The following R3HDM2 variants were observed in gnomAD, a reference collection of about 807,000 sequenced individuals.
R3HDM2 encodes the protein R3H domain containing 2, also known as R3H domain-containing protein 2.
Under a neutral mutation model 124.5 loss-of-function variants are expected in R3HDM2, and 38 were observed. That is an observed-to-expected ratio of 0.31 (90% CI 0.24 to 0.40). R3HDM2 has a LOEUF of 0.40. Ranked by LOEUF, R3HDM2 falls within the 10% of genes least tolerant of loss-of-function variation. R3HDM2 has a pLI of 1.00. For synonymous variants in R3HDM2, 391 were observed against 448.0 expected, an observed-to-expected ratio of 0.87 and a Z score of 1.61; for missense variants, 869 against 1,236.9, an observed-to-expected ratio of 0.70 and a Z score of 4.46.
At chr12:57,423,808 TAAAAAAAAAAAAAA>T (rs57587261) in intron 1 of R3HDM2, among the ~76,000 whole-genome samples, 2 of 51,424 alleles carry the variant, frequency 3.9e-5, no homozygotes, top group East Asian at 6.1e-4. Flanking sequence ...CTGTCTCAAT[TAAAAAAAAAAAAAA>T]AAAAAAAAAA....
At chr12:57,323,524 A>T (rs1436915799) in intron 2 of R3HDM2, among the ~76,000 whole-genome samples, 1 of 152,236 alleles carries the variant, frequency 6.6e-6, no homozygotes, top group Non-Finnish European at 1.5e-5. Context: ...GAAGCATGAA[A>T]ATCATTCTGT....
At chr12:57,380,294 A>G (rs1193440356) in intron 2 of R3HDM2, among the ~76,000 whole-genome samples, 4 of 152,196 alleles carry the variant, frequency 2.6e-5, no homozygotes, top group African/African-American at 9.6e-5. Context: ...CTTTCTGATG[A>G]AAGTTCATTT....
intron 2 of R3HDM2, among the ~76,000 whole-genome samples, chr12:57,322,060 C>T (rs1462193316): frequency 2.0e-5 from 3 of 152,112 alleles, no homozygotes; most frequent in Non-Finnish European, 4.4e-5. Flanking sequence ...AACCCCATAT[C>T]TACTAAAAAA....
intron 2 of R3HDM2, among the ~76,000 whole-genome samples, chr12:57,364,105 G>T: frequency 6.8e-6 from 1 of 146,330 alleles, no homozygotes; most frequent in Admixed American, 6.9e-5. Context: ...GTAATAGTTT[G>T]CTAGGGCTGT....
chr12:57,403,288 T>C (rs886636583), intron 1 of R3HDM2, among the ~76,000 whole-genome samples: 2 of 151,166 alleles, frequency 1.3e-5, no homozygotes, highest in African/African-American at 4.9e-5. Context: ...AGTCAAGATA[T>C]CGAGACCATC....
intron 12 of R3HDM2, 33 bp downstream of exon 12, chr12:57,288,976 T>C (rs1230939741): frequency 1.3e-6 from 2 of 1,548,358 alleles, no homozygotes; most frequent in Non-Finnish European, 8.7e-7. Context: ...CAAAGCTCAA[T>C]GAGAAGCAGG....
Position 57,254,320 on chromosome 12 carries a change from G to C in R3HDM2, c.*453C>G. ...GTTTGAGGCCAGCCTGGCCAACATG[G>C]TGAAACTCCGTCTCTACTAAAAATA... On this transcript the variant is annotated 3_prime_UTR_variant, in exon 24 of 24. Coordinates refer to ENST00000402412, the MANE Select transcript of R3HDM2 (RefSeq NM_001394031.1). 1 of 427,038 alleles carries C rather than the reference G, an allele frequency of 2.3e-6. No homozygotes were observed. Among genetic ancestry groups the C allele is most frequent in the African/African-American group, 2.1e-5 (1 of 48,016 alleles). 26.5% of individuals were successfully genotyped at this position (427,038 alleles called of 1,614,324 possible). A position where few individuals can be genotyped will look rare whatever the true frequency, so the allele number is the denominator to read the frequency against.
chr12:57,389,724 CA>C (rs2066383605), intron 2 of R3HDM2, among the ~76,000 whole-genome samples: 1 of 152,068 alleles, frequency 6.6e-6, no homozygotes, highest in African/African-American at 2.4e-5. Flanking sequence ...TAAACATGAC[CA>C]TATTTTTTAA....
chr12:57,337,038 T>G (rs760521831), intron 2 of R3HDM2, among the ~76,000 whole-genome samples: 1 of 152,196 alleles, frequency 6.6e-6, no homozygotes, highest in African/African-American at 2.4e-5. Context: ...CACAGCAGAC[T>G]AACGTGAGAA....
chr12:57,383,421 G>A (rs1023012831), intron 2 of R3HDM2, among the ~76,000 whole-genome samples: 32 of 152,184 alleles, frequency 2.1e-4, no homozygotes, highest in African/African-American at 7.5e-4. Flanking sequence ...TAATGTGATC[G>A]GCAGGGCGCT....
At chr12:57,366,970 A>T (rs181915944) in intron 2 of R3HDM2, among the ~76,000 whole-genome samples, 50 of 152,260 alleles carry the variant, frequency 3.3e-4, no homozygotes, top group Non-Finnish European at 2.9e-5. Context: ...TACAGGTGTG[A>T]GCCACCACGC....
chr12:57,316,731 A>G (rs1244334896), intron 2 of R3HDM2, among the ~76,000 whole-genome samples: 1 of 150,534 alleles, frequency 6.6e-6, no homozygotes, highest in Admixed American at 6.6e-5. Flanking sequence ...GATTACAGGC[A>G]TGCACCACCA....
intron 1 of R3HDM2, among the ~76,000 whole-genome samples, chr12:57,426,937 C>T (rs1430925590): frequency 1.3e-5 from 2 of 152,150 alleles, no homozygotes; most frequent in Non-Finnish European, 2.9e-5. Flanking sequence ...GTCAATAAAT[C>T]TGTTGTGCAC....
At chr12:57,356,978 CTATAGT>C (rs1483108956) in intron 2 of R3HDM2, among the ~76,000 whole-genome samples, 2 of 151,816 alleles carry the variant, frequency 1.3e-5, no homozygotes, top group Non-Finnish European at 2.9e-5. Flanking sequence ...TGGTGGCGGG[CTATAGT>C]ACCAGCTACT....
intron 19 of R3HDM2, among the ~76,000 whole-genome samples, chr12:57,262,697 T>C (rs1414812692): frequency 2.0e-5 from 3 of 152,256 alleles, no homozygotes. Flanking sequence ...GCCTGCTGTC[T>C]ATCTTTTCAG....
chr12:57,269,696 T>C (rs2137417073), intron 15 of R3HDM2, 56 bp downstream of exon 15: 1 of 1,608,798 alleles, frequency 6.2e-7, no homozygotes, highest in Non-Finnish European at 8.5e-7. Flanking sequence ...ATAAAGAAAG[T>C]ATAATACTAG....
At position 57,336,500 on chromosome 12, in the gene R3HDM2, A is replaced by T. The variant is rs1593481412; in HGVS notation, c.-35-26037T>A. Among the ~76,000 whole-genome samples, 3 of 152,290 alleles carry T rather than the reference A, an allele frequency of 2.0e-5. No homozygotes were observed. In the South Asian group the frequency reaches 6.2e-4, roughly 32 times the overall value. On this transcript the variant is annotated intron_variant, in intron 2 of 23. Coordinates refer to ENST00000402412, the MANE Select transcript of R3HDM2 (RefSeq NM_001394031.1). ...ATGCAGCCATAAAAAAGAATGAGAT[A>T]ATGTCTTTTGCAGGAACAGGGATGA...
chr12:57,358,798 G>A (rs1221828588), intron 2 of R3HDM2, among the ~76,000 whole-genome samples: 1 of 152,070 alleles, frequency 6.6e-6, no homozygotes, highest in Non-Finnish European at 1.5e-5. Flanking sequence ...ACTGATTTGT[G>A]TTTTACTTAT....
rs2137302924 is a variant in R3HDM2, at chr12:57,266,778, T to A, written c.2084A>T (p.Gln695Leu). 1 of 1,611,110 alleles carries A rather than the reference T, an allele frequency of 6.2e-7. No homozygotes were observed. The highest frequency in any genetic ancestry group is 1.1e-5 in the South Asian group (1 of 91,006). ...PPGSEQYQMP[Q>L]SPSPCSPPQM... is the part of the protein sequence containing the mutation. ...TGGTGGACTGCAGGGAGAGGGAGAC[T>A]GAGGCATCTGGTACTGCTCAGAGCC... is the stretch of plus-strand genomic sequence containing the variant. The change falls in exon 19 of 24, where the codon CAG (glutamine) becomes CTG (leucine). Residue 695 changes from glutamine to leucine, a missense_variant. Gln to Leu is a moderately radical substitution (Grantham distance 113, BLOSUM62 -2). Transcript: ENST00000402412.
Sources: gnomAD v4.1 joint callset for allele counts (sites outside exome capture counted in the v4.1 genomes callset) on GRCh38, gnomAD v4.1.1 for gene constraint, MANE v1.5 for transcripts, NCBI Gene and HGNC (gene_info 2026-07-23, HGNC 2026-07-21) for gene names.